The following LRBA variants were observed in gnomAD, a reference collection of about 807,000 sequenced individuals.
LRBA encodes the protein lipopolysaccharide-responsive and beige-like anchor protein.
A neutral mutation model predicts 330.0 loss-of-function variants in LRBA; 176 were observed. The observed-to-expected ratio is 0.53, with a 90% CI of 0.47 to 0.60. LRBA has a LOEUF of 0.60. LRBA is among the 20% of genes least tolerant of loss of function. LRBA has a pLI of 0.00. For missense variants in LRBA, 3,259 were observed against 3,444.8 expected, an observed-to-expected ratio of 0.95 and a Z score of 1.35; for synonymous variants, 1,230 against 1,193.0, an observed-to-expected ratio of 1.03 and a Z score of -0.64.
At chr4:150,555,756 A>AAC (rs34497958) in intron 40 of LRBA, among the ~76,000 whole-genome samples, 43,888 of 144,528 alleles carry the variant, frequency 0.3, 7,340 homozygotes, top group Non-Finnish European at 0.4. Flanking sequence ...GTCTTATAAA[A>AAC]ACACACACAC....
intron 37 of LRBA, among the ~76,000 whole-genome samples, chr4:150,636,819 T>A (rs913590300): frequency 4.6e-5 from 7 of 152,176 alleles, no homozygotes; most frequent in African/African-American, 1.7e-4. Flanking sequence ...GGCTAATTTT[T>A]AAATTTTGTA....
At chr4:150,744,680 G>C (rs1422437424) in intron 35 of LRBA, among the ~76,000 whole-genome samples, 1 of 152,144 alleles carries the variant, frequency 6.6e-6, no homozygotes, top group Non-Finnish European at 1.5e-5. Flanking sequence ...GGGAAAAAGA[G>C]AATCCACTGG....
At chr4:150,560,885 C>T (rs918566823) in intron 40 of LRBA, among the ~76,000 whole-genome samples, 1 of 152,058 alleles carries the variant, frequency 6.6e-6, no homozygotes, top group African/African-American at 2.4e-5. Context: ...ACTCGGCAGG[C>T]TGAGGCAGGA....
chr4:150,414,319 T>A (rs1341205952), intron 47 of LRBA, among the ~76,000 whole-genome samples: 4 of 152,098 alleles, frequency 2.6e-5, no homozygotes, highest in Non-Finnish European at 4.4e-5. Context: ...ATAATGAGAC[T>A]GTAATAGGAT....
chr4:150,612,756 C>A (rs1775399176), intron 37 of LRBA, among the ~76,000 whole-genome samples: 1 of 152,074 alleles, frequency 6.6e-6, no homozygotes, highest in South Asian at 2.1e-4. Flanking sequence ...TCTCTAATCT[C>A]AAGGCACTTA....
rs769333438 is a variant in LRBA at position 150,828,538 on chromosome 4, A to G, written c.4813T>C (p.Ser1605Pro). The G allele has an allele frequency of 1.2e-6, 2 of 1,614,106 alleles. No individual in the cohort carries two copies. Among genetic ancestry groups the G allele is most frequent in the Non-Finnish European group, 1.7e-6 (2 of 1,179,998 alleles). ...GTGGCTGTTTCTTCCCCAATGCCTG[A>G]GTCCCTCCTTCGAGCAGATGATGTG... ...ESTSSARRRD[S>P]GIGEETATGL... Residue 1605 changes from serine (S) to proline (P), a missense_variant, in exon 30 of 57, where the codon TCA becomes CCA. By Grantham distance (74) the Ser-to-Pro change is moderately conservative. Transcript: ENST00000651943.
chr4:150,870,283 T>G (rs1371698242), intron 20 of LRBA, among the ~76,000 whole-genome samples: 1 of 152,188 alleles, frequency 6.6e-6, no homozygotes, highest in Non-Finnish European at 1.5e-5. Flanking sequence ...TGAACATATA[T>G]TACATCAAGA....
chr4:150,481,119 A>G (rs970525547), intron 42 of LRBA, among the ~76,000 whole-genome samples: 14 of 152,260 alleles, frequency 9.2e-5, no homozygotes, highest in African/African-American at 3.4e-4. Context: ...GGCTTATTTC[A>G]CTTAATATAA....
intron 47 of LRBA, among the ~76,000 whole-genome samples, chr4:150,402,818 T>C (rs926841372): frequency 2.0e-5 from 3 of 151,942 alleles, no homozygotes; most frequent in Admixed American, 6.6e-5. Flanking sequence ...TTCTAAAATA[T>C]AGCATTATCA....
rs1473410408 is a variant in LRBA, at chr4:150,265,659, G to A, written c.*63C>T. The A allele has an allele frequency of 9.6e-7, 1 of 1,044,292 alleles. No homozygotes were observed. The highest frequency in any genetic ancestry group is 1.5e-6 in the Non-Finnish European group (1 of 661,464). The allele number at this position is 1,044,292 out of a possible 1,614,324, so 64.7% of individuals were successfully genotyped here. ...TAAGTTACATTCAGATGTGGTAGAAGAGAATGATGCTCCAGGTACTTCTGC... is the reference window on the plus strand; with the variant it reads ...TAAGTTACATTCAGATGTGGTAGAAAAGAATGATGCTCCAGGTACTTCTGC... On this transcript the variant is annotated 3_prime_UTR_variant, in exon 57 of 57. Transcript: ENST00000651943.
In LRBA at chr4:150,415,610, A is replaced by C. The variant is rs1702493918; in HGVS notation, c.7042-20T>G. The C allele has an allele frequency of 7.0e-6, 10 of 1,432,434 alleles. No homozygotes were observed. The Admixed American group carries it at 1.5e-4, about 22-fold the overall frequency. 88.7% of individuals were successfully genotyped at this position (1,432,434 alleles called of 1,614,324 possible). On this transcript the variant is annotated intron_variant, in intron 46 of 56. Transcript: ENST00000651943. ...CAACTCCTATATAAAAATAAAAGAC[A>C]ATGTGATATTATAAACTGTAGGATA... is the stretch of plus-strand genomic sequence containing the variant.
chr4:150,799,286 TA>T (rs1194945012), intron 33 of LRBA, among the ~76,000 whole-genome samples: 1 of 152,212 alleles, frequency 6.6e-6, no homozygotes, highest in Non-Finnish European at 1.5e-5. Flanking sequence ...AGAATGTCTC[TA>T]TATTGTATTA....
intron 36 of LRBA, among the ~76,000 whole-genome samples, chr4:150,723,891 A>C (rs1422993944): frequency 6.6e-6 from 1 of 152,176 alleles, no homozygotes; most frequent in African/African-American, 2.4e-5. Flanking sequence ...AAGAGCCCCT[A>C]GGCTCTCAGT....
chr4:150,347,540 G>T (rs894695501), intron 48 of LRBA, among the ~76,000 whole-genome samples: 2 of 151,972 alleles, frequency 1.3e-5, no homozygotes, highest in African/African-American at 4.8e-5. Flanking sequence ...CAGCTACTCA[G>T]GAGGCTGAGG....
At position 150,868,239 on chromosome 4, in the gene LRBA, C is replaced by T. The variant is rs1022511990; in HGVS notation, c.2516G>A (p.Arg839His). 1.2e-5 allele frequency: 19 copies of T among 1,612,204 alleles called. No homozygotes were observed. Among genetic ancestry groups the T allele is most frequent in the South Asian group, 3.3e-5 (3 of 90,952 alleles). ...SPQCPESMEVRRAFLSDMIKL... is the reference protein window; with the variant it reads ...SPQCPESMEVHRAFLSDMIKL... ...AATCATGTCAGAAAGAAAGGCTCTG[C>T]GAACCTCCATGCTCTCTGGGCACTG... Residue 839 changes from arginine to histidine, a missense_variant, in exon 21 of 57, where the codon CGC becomes CAC. By Grantham distance (29) the Arg-to-His change is conservative. Transcript: ENST00000651943.
intron 40 of LRBA, among the ~76,000 whole-genome samples, chr4:150,505,228 C>T (rs907106361): frequency 9.2e-5 from 14 of 152,308 alleles, no homozygotes; most frequent in African/African-American, 3.4e-4. Flanking sequence ...ACCAAGCAGA[C>T]CTAATAGACA....
chr4:150,796,255 C>A (rs1468218503), intron 34 of LRBA, among the ~76,000 whole-genome samples: 2 of 151,902 alleles, frequency 1.3e-5, no homozygotes, highest in African/African-American at 4.8e-5. Flanking sequence ...CAGTTCACTT[C>A]TTAACAAAAT....
chr4:150,852,344 T>A lies in LRBA; in HGVS notation c.3366A>T (p.Glu1122Asp). The A allele has an allele frequency of 1.2e-6, 2 of 1,613,936 alleles. No individual in the cohort carries two copies. Among genetic ancestry groups the A allele is most frequent in the African/African-American group, 1.3e-5 (1 of 75,062 alleles). The change falls in exon 23 of 57, where the codon GAA (glutamate) becomes GAT (aspartate). Residue 1122 changes from glutamate (E) to aspartate (D), a missense_variant. Physicochemically the swap from Glu to Asp is conservative, Grantham distance 45 (BLOSUM62 2). Transcript: ENST00000651943. The stretch of plus-strand genomic sequence containing the variant: ...CTTGGAGCTCTGTGGGTAGATTAGC[T>A]TCCTCAGTAGGACTGCCTTCTACTT... ...ELKVEGSPTE[E>D]ANLPTELQDN...
At chr4:150,353,812 A>T (rs1263728363) in intron 47 of LRBA, among the ~76,000 whole-genome samples, 1 of 152,220 alleles carries the variant, frequency 6.6e-6, no homozygotes, top group Admixed American at 6.5e-5. Flanking sequence ...AGAAGTTGAT[A>T]AACACGTTAC....
Sources: allele counts gnomAD v4.1 joint callset (sites outside exome capture counted in the v4.1 genomes callset), GRCh38; gene constraint gnomAD v4.1.1; transcripts MANE v1.5; gene names NCBI Gene and HGNC (gene_info 2026-07-23, HGNC 2026-07-21).